The following AIG1 variants were observed in gnomAD, a reference collection of about 807,000 sequenced individuals.
AIG1 encodes androgen induced 1, also known as androgen-induced gene 1 protein.
AIG1 carries 23 observed loss-of-function variants against 31.4 expected under a neutral mutation model. The ratio of observed to expected loss-of-function variants is 0.73; its 90% CI spans 0.53 to 1.04. AIG1 has a LOEUF of 1.04. Among genes scored for constraint, AIG1 ranks in the 50% least tolerant of loss-of-function variants. AIG1 has a pLI of 0.00. For missense variants in AIG1, 274 were observed against 295.0 expected, an observed-to-expected ratio of 0.93 and a Z score of 0.52; for synonymous variants, 100 against 110.5, an observed-to-expected ratio of 0.90 and a Z score of 0.60.
At position 143,328,023 on chromosome 6, in the gene AIG1, A is replaced by G. The variant is rs1776753235; in HGVS notation, c.516-5259A>G. ...TGATGCCATAGCCATGAATGAACTC[A>G]TCAACTGAGAATGCATAAGAGAAAA... is the stretch of plus-strand genomic sequence containing the variant. On this transcript the variant is annotated intron_variant, in intron 4 of 5. Transcript: ENST00000357847. This position sits in a 1 kb window ranked among gnomAD's most constrained non-coding sequence, Gnocchi z 4.0. 6.6e-6 allele frequency among the ~76,000 whole-genome samples: 1 copy of G among 152,218 alleles called. No individual in the cohort carries two copies. The highest frequency in any genetic ancestry group is 2.1e-4 in the South Asian group (1 of 4,826).
At chr6:143,311,004 C>G (rs139910850) in intron 4 of AIG1, among the ~76,000 whole-genome samples, 1 of 151,934 alleles carries the variant, frequency 6.6e-6, no homozygotes, top group East Asian at 1.9e-4. Flanking sequence ...ACTGGCAAAT[C>G]CTACCAAACA....
At chr6:143,201,034 A>C (rs918785996) in intron 3 of AIG1, among the ~76,000 whole-genome samples, 5 of 152,260 alleles carry the variant, frequency 3.3e-5, no homozygotes, top group South Asian at 2.1e-4. Context: ...AATATCAGTC[A>C]TCGCCATCTA....
intron 3 of AIG1, among the ~76,000 whole-genome samples, chr6:143,269,199 C>A (rs1290428373): frequency 1.3e-5 from 2 of 152,228 alleles, no homozygotes; most frequent in East Asian, 3.8e-4. Flanking sequence ...CACAGGGAAC[C>A]TGACCAGCAA....
intron 3 of AIG1, among the ~76,000 whole-genome samples, chr6:143,171,397 T>C (rs1031917502): frequency 2.2e-5 from 3 of 137,188 alleles, no homozygotes; most frequent in African/African-American, 8.1e-5. Flanking sequence ...CTGCGTAGTA[T>C]TCAATAGTGT....
intron 4 of AIG1, among the ~76,000 whole-genome samples, chr6:143,289,709 A>G (rs949565146): frequency 2.6e-5 from 4 of 152,174 alleles, no homozygotes; most frequent in Non-Finnish European, 5.9e-5. Flanking sequence ...TCTGCTGGAA[A>G]CATACATTAT....
At chr6:143,222,117 A>T (rs189055917) in intron 3 of AIG1, among the ~76,000 whole-genome samples, 70 of 152,294 alleles carry the variant, frequency 4.6e-4, no homozygotes, top group Non-Finnish European at 1.5e-5. Context: ...ACCTCATGTG[A>T]ACCTTCCTTG....
At chr6:143,254,453 A>C (rs1562528748) in intron 3 of AIG1, among the ~76,000 whole-genome samples, 1 of 152,180 alleles carries the variant, frequency 6.6e-6, no homozygotes, top group Non-Finnish European at 1.5e-5. Context: ...CGCGAGGCAA[A>C]GTCCTAGACA....
intron 4 of AIG1, among the ~76,000 whole-genome samples, chr6:143,311,108 G>T (rs1460111195): frequency 6.6e-6 from 1 of 151,862 alleles, no homozygotes; most frequent in Non-Finnish European, 1.5e-5. Flanking sequence ...GGCCAGCATT[G>T]CCTTAATACC....
In AIG1 at chr6:143,171,413, T is replaced by C. The variant is rs1267461917; in HGVS notation, c.399+6230T>C. ...TGCGTAGTATTCAATAGTGTGTGTA[T>C]ATATATATAATATATATAATATATA... On this transcript the variant is annotated intron_variant, in intron 3 of 5. Coordinates refer to ENST00000357847, the MANE Select transcript of AIG1 (RefSeq NM_016108.4). Among the ~76,000 whole-genome samples, 12 of 122,694 alleles carry C rather than the reference T, an allele frequency of 9.8e-5. 1 individual carries two copies. The Admixed American group carries it at 1.2e-3, about 12-fold the overall frequency. 80.5% of individuals were successfully genotyped at this position (122,694 alleles called of 152,430 possible). A position where few individuals can be genotyped will look rare whatever the true frequency, so the allele number is the denominator to read the frequency against.
At chr6:143,295,757 T>A (rs899346344) in intron 4 of AIG1, among the ~76,000 whole-genome samples, 1 of 152,178 alleles carries the variant, frequency 6.6e-6, no homozygotes, top group East Asian at 1.9e-4. Flanking sequence ...GCCAGGGGAT[T>A]TAAAAAATAG....
At chr6:143,187,477 C>A in intron 3 of AIG1, 1 of 1,535,462 alleles carries the variant, frequency 6.5e-7, no homozygotes, top group South Asian at 1.2e-5. Context: ...ACACTCTGCT[C>A]AATTGAAGAC....
intron 4 of AIG1, among the ~76,000 whole-genome samples, chr6:143,302,683 ATACG>A (rs1798917359): frequency 6.6e-6 from 1 of 152,210 alleles, no homozygotes; most frequent in Non-Finnish European, 1.5e-5. Context: ...CGCAATAAAC[ATACG>A]TGTGCATGTG....
rs1212013457 is a variant in AIG1, at chr6:143,333,387, G to A, written c.621G>A (p.Met207Ile). 6.2e-7 allele frequency: 1 copy of A among 1,613,818 alleles called. No individual in the cohort carries two copies. The highest frequency in any genetic ancestry group is 2.2e-5 in the East Asian group (1 of 44,890). ...TCTTTGGGTCTACAACCATCTTAAT[G>A]AACTTCCTGTACCTGCTGGGAGAAG... ...IIFFGSTTIL[M>I]NFLYLLGEVL... The change falls in exon 5 of 6, where the codon ATG (methionine) becomes ATA (isoleucine). Residue 207 changes from methionine (M) to isoleucine (I), a missense_variant. Met to Ile is a conservative substitution (Grantham distance 10, BLOSUM62 1). This residue lies in a region of AIG1 where 31 missense variants were observed against 56.5 expected (regional missense o/e 0.55). Transcript: ENST00000357847. This position sits in a 1 kb window ranked among gnomAD's most constrained non-coding sequence, Gnocchi z 4.6.
Position 143,122,182 on chromosome 6 carries a change from A to G in AIG1, c.142-14653A>G, listed in dbSNP as rs560002359. Among the ~76,000 whole-genome samples the G allele has an allele frequency of 2.6e-5, 4 of 152,276 alleles. No homozygotes were observed. The South Asian group carries it at 8.3e-4, about 32-fold the overall frequency. ...TCCAGATGAGTACTGCTTTTAGAAA[A>G]AGAAACATATATTTTTATTAATACC... On this transcript the variant is annotated intron_variant, in intron 1 of 5. Coordinates refer to ENST00000357847, the MANE Select transcript of AIG1 (RefSeq NM_016108.4).
At chr6:143,078,683 T>C (rs894538162) in intron 1 of AIG1, among the ~76,000 whole-genome samples, 26 of 152,264 alleles carry the variant, frequency 1.7e-4, no homozygotes, top group African/African-American at 6.3e-4. Context: ...ATGACACTTA[T>C]TCACTACCTT....
intron 3 of AIG1, among the ~76,000 whole-genome samples, chr6:143,211,937 C>T (rs912183535): frequency 6.6e-6 from 1 of 151,914 alleles, no homozygotes; most frequent in Non-Finnish European, 1.5e-5. Flanking sequence ...CTAAATTTTT[C>T]CTTTCCTGTG....
At chr6:143,230,319 C>T (rs747500896) in intron 3 of AIG1, among the ~76,000 whole-genome samples, 69 of 151,310 alleles carry the variant, frequency 4.6e-4, no homozygotes, top group Non-Finnish European at 8.1e-4. Context: ...AAAACTATAA[C>T]ATGTAAGATA....
intron 3 of AIG1, among the ~76,000 whole-genome samples, chr6:143,204,936 AC>A (rs1224248788): frequency 6.6e-6 from 1 of 152,148 alleles, no homozygotes; most frequent in African/African-American, 2.4e-5. Flanking sequence ...AAATTATGCT[AC>A]CCACCATCCA....
At chr6:143,173,383 T>C (rs1462998607) in intron 3 of AIG1, among the ~76,000 whole-genome samples, 1 of 152,148 alleles carries the variant, frequency 6.6e-6, no homozygotes, top group African/African-American at 2.4e-5. Context: ...GCCTACCTCA[T>C]TTAATTCTGC....
Sources: allele counts gnomAD v4.1 joint callset (sites outside exome capture counted in the v4.1 genomes callset), GRCh38; gene constraint gnomAD v4.1.1; regional missense constraint gnomAD v4.1.1; non-coding constraint Gnocchi (gnomAD v3.1); transcripts MANE v1.5; gene names NCBI Gene and HGNC (gene_info 2026-07-23, HGNC 2026-07-21).